ESYT2: variants seen among roughly 807,000 people sequenced by gnomAD.
ESYT2 encodes the protein extended synaptotagmin 2.
Under a neutral mutation model 107.2 loss-of-function variants are expected in ESYT2, and 54 were observed. That is an observed-to-expected ratio of 0.50 (90% CI 0.40 to 0.63). The LOEUF (loss-of-function observed/expected upper bound fraction) is 0.63, where lower values mean the gene tolerates loss of function less well. Ranked by LOEUF, ESYT2 falls within the 30% of genes least tolerant of loss-of-function variation. ESYT2 has a pLI of 0.00. For synonymous variants in ESYT2, 491 were observed against 434.1 expected (o/e 1.13, Z -1.63); for missense variants, 1,020 against 1,094.5 (o/e 0.93, Z 0.96).
At chr7:158,807,124 G>A (rs1005738640) in intron 1 of ESYT2, among the ~76,000 whole-genome samples, 1 of 151,662 alleles carries the variant, frequency 6.6e-6, no homozygotes, top group Non-Finnish European at 1.5e-5. Context: ...GGTGGTGGGC[G>A]CCTGTAGTCC....
At chr7:158,826,165 G>C (rs2129474459) in intron 1 of ESYT2, among the ~76,000 whole-genome samples, 1 of 152,232 alleles carries the variant, frequency 6.6e-6, no homozygotes, top group South Asian at 2.1e-4. Context: ...CACACTTCGA[G>C]ACCATGCAAC....
At position 158,749,884 on chromosome 7, in the gene ESYT2, C is replaced by T. The variant is rs145802913; in HGVS notation, c.1483-161G>A. Reference sequence around the variant, plus strand: ...ATTTAATGGGAAAACATAAGCTACACACACCCCAAACCATAACTACAAAAC... The same window carrying T: ...ATTTAATGGGAAAACATAAGCTACATACACCCCAAACCATAACTACAAAAC... On this transcript the variant is annotated intron_variant, in intron 14 of 22. Transcript: ENST00000275418. 4.6e-3 allele frequency among the ~76,000 whole-genome samples: 700 copies of T among 152,278 alleles called. 3 individuals carry two copies. Among genetic ancestry groups the T allele is most frequent in the African/African-American group, 0.016 (676 of 41,548 alleles).
At chr7:158,813,411 T>C (rs998151931) in intron 1 of ESYT2, among the ~76,000 whole-genome samples, 2 of 152,214 alleles carry the variant, frequency 1.3e-5, no homozygotes, top group African/African-American at 4.8e-5. Flanking sequence ...AACTGTGGGC[T>C]TCAGACTAGT....
chr7:158,827,615 A>G (rs546912209), intron 1 of ESYT2: 20 of 152,214 alleles, frequency 1.3e-4, no homozygotes, highest in African/African-American at 4.6e-4. Context: ...AGCTCCTTAC[A>G]TTATATTCTT....
At chr7:158,806,186 G>GGGCACA (rs1839829897) in intron 1 of ESYT2, among the ~76,000 whole-genome samples, 1 of 152,264 alleles carries the variant, frequency 6.6e-6, no homozygotes, top group African/African-American at 2.4e-5. Context: ...GGAGGCACTG[G>GGGCACA]CCTTGAGAGG....
At chr7:158,789,475 G>A (rs774246465) in intron 4 of ESYT2, among the ~76,000 whole-genome samples, 1 of 151,934 alleles carries the variant, frequency 6.6e-6, no homozygotes, top group Non-Finnish European at 1.5e-5. Context: ...TCCTGCCTCA[G>A]CCTTCCGAGT....
chr7:158,786,732 A>T (rs564178757), intron 6 of ESYT2, among the ~76,000 whole-genome samples: 55 of 152,314 alleles, frequency 3.6e-4, no homozygotes, highest in Admixed American at 3.1e-3. Context: ...CCAAATGACA[A>T]TTTTTAATCA....
intron 1 of ESYT2, among the ~76,000 whole-genome samples, chr7:158,807,802 A>G (rs750915656): frequency 6.6e-6 from 1 of 152,178 alleles, no homozygotes; most frequent in Non-Finnish European, 1.5e-5. Flanking sequence ...TGAAATTTGA[A>G]TTTCATAACA....
chr7:158,754,041 T>C (rs1401359345), intron 13 of ESYT2, among the ~76,000 whole-genome samples: 2 of 151,898 alleles, frequency 1.3e-5, no homozygotes, highest in Non-Finnish European at 2.9e-5. Context: ...CTGTGTAAGG[T>C]AGTGGACAGC....
In ESYT2 at chr7:158,737,055, C is replaced by A; in HGVS notation, c.2392G>T (p.Asp798Tyr). The A allele has an allele frequency of 5.0e-6, 8 of 1,613,348 alleles. No homozygotes were observed. The highest frequency in any genetic ancestry group is 2.2e-5 in the South Asian group (2 of 91,024). Residue 798 changes from aspartate (D) to tyrosine (Y), a missense_variant, in exon 20 of 23, where the codon GAT becomes TAT. Asp to Tyr is a radical substitution (Grantham distance 160). Transcript: ENST00000275418. The part of the protein sequence containing the change: ...VSKKTLNPVF[D>Y]QSFDFSVSLP... ...CTGGATAAAATACCGTACCTTTGAT[C>A]AAACACTGGATTTAATGTTTTCTTT...
At chr7:158,762,237 G>A (rs144413868) in intron 10 of ESYT2, among the ~76,000 whole-genome samples, 1,767 of 151,914 alleles carry the variant, frequency 0.012, 27 homozygotes, top group African/African-American at 0.041. Context: ...TGTCTACACC[G>A]CCTTCTCTCT....
At chr7:158,792,791 T>C (rs1400060090) in intron 4 of ESYT2, among the ~76,000 whole-genome samples, 1 of 135,094 alleles carries the variant, frequency 7.4e-6, no homozygotes, top group African/African-American at 2.9e-5. Flanking sequence ...TTTTTTGAGA[T>C]GGAGTCTCGC....
chr7:158,764,927 C>T, intron 8 of ESYT2, 74 bp from the exon 9 acceptor site: 1 of 1,433,372 alleles, frequency 7.0e-7, no homozygotes, highest in Non-Finnish European at 9.6e-7. Context: ...AGCTACGCAC[C>T]TAACCCCGTC....
chr7:158,765,981 T>G (rs1481498509), intron 8 of ESYT2, among the ~76,000 whole-genome samples: 1 of 151,822 alleles, frequency 6.6e-6, no homozygotes, highest in Non-Finnish European at 1.5e-5. Flanking sequence ...GGGCGGATCA[T>G]GAGGTCAGGA....
intron 6 of ESYT2, 55 bp downstream of exon 6, chr7:158,787,949 G>T: frequency 2.2e-6 from 3 of 1,367,626 alleles, no homozygotes; most frequent in Middle Eastern, 1.8e-4. Context: ...TCTTCCACGG[G>T]TATGTATTTT....
At chr7:158,787,513 T>C (rs1420206884) in intron 6 of ESYT2, among the ~76,000 whole-genome samples, 1 of 152,218 alleles carries the variant, frequency 6.6e-6, no homozygotes, top group Non-Finnish European at 1.5e-5. Flanking sequence ...GAGGGAGGTT[T>C]ACAGATGAGT....
chr7:158,752,425 C>T (rs1236647826), intron 14 of ESYT2, among the ~76,000 whole-genome samples: 2 of 152,170 alleles, frequency 1.3e-5, no homozygotes, highest in Admixed American at 6.5e-5. Context: ...AAGGCATACC[C>T]TTTAAGTCAT....
chr7:158,774,520 C>T (rs1204834230), intron 6 of ESYT2, among the ~76,000 whole-genome samples: 3 of 152,146 alleles, frequency 2.0e-5, no homozygotes, highest in African/African-American at 4.8e-5. Flanking sequence ...CATTCTAAAT[C>T]ATATGAATAT....
intron 9 of ESYT2, 35 bp downstream of exon 9, chr7:158,764,639 CCCA>C (rs745786792): frequency 9.1e-5 from 146 of 1,602,886 alleles, no homozygotes; most frequent in Non-Finnish European, 1.2e-4. Context: ...CAGGGCTCAG[CCCA>C]CCACCCCAGC....
Sources: gnomAD v4.1 joint callset for allele counts (sites outside exome capture counted in the v4.1 genomes callset) on GRCh38, gnomAD v4.1.1 for gene constraint, MANE v1.5 for transcripts, NCBI Gene and HGNC (gene_info 2026-07-23, HGNC 2026-07-21) for gene names.